The following KLF15 variants were observed in gnomAD, a reference collection of about 807,000 sequenced individuals.
KLF15 encodes the protein KLF transcription factor 15, also known as Krueppel-like factor 15.
Under a neutral mutation model 24.6 loss-of-function variants are expected in KLF15, and 4 were observed. The ratio of observed to expected loss-of-function variants is 0.16; its 90% CI spans 0.08 to 0.37. KLF15 has a LOEUF of 0.37. KLF15 is among the 10% of genes least tolerant of loss of function. The pLI, the probability that KLF15 is intolerant of heterozygous loss-of-function variation, is 1.00. For synonymous variants in KLF15, 246 were observed against 236.3 expected (o/e 1.04, Z -0.37); for missense variants, 496 against 560.6 (o/e 0.88, Z 1.16).
downstream of KLF15, among the ~76,000 whole-genome samples, chr3:126,338,290 T>C (rs1017931544): frequency 9.9e-5 from 15 of 152,086 alleles, no homozygotes; most frequent in Non-Finnish European, 8.8e-5. Context: ...GGTCCAGCTG[T>C]CCTCCCAGCA....
the KLF15 span, chr3:126,290,579 G>T: frequency 7.0e-6 from 1 of 141,962 alleles, no homozygotes; most frequent in African/African-American, 2.7e-5. Context: ...TTTACAGTTT[G>T]TCATTTGCCA....
chr3:126,319,709 C>T, the KLF15 span, among the ~76,000 whole-genome samples: 7 of 152,128 alleles, frequency 4.6e-5, no homozygotes, highest in South Asian at 8.3e-4. Context: ...TTTAACACTA[C>T]GGGCATATCA....
the KLF15 span, among the ~76,000 whole-genome samples, chr3:126,292,513 G>A: frequency 6.6e-6 from 1 of 152,226 alleles, no homozygotes; most frequent in African/African-American, 2.4e-5. Flanking sequence ...GCAAGATGCT[G>A]TTCTAGATTT....
the KLF15 span, among the ~76,000 whole-genome samples, chr3:126,324,788 A>ATTTTTTTTTTTTTTTTGCTTTTTTTT: frequency 2.7e-5 from 2 of 74,684 alleles, no homozygotes; most frequent in Non-Finnish European, 4.7e-5. Flanking sequence ...TTTGCTTTTA[A>ATTTTTTTTTTTTTTTTGCTTTTTTTT]TTTTTTTTTT....
chr3:126,353,563 C>A (rs994582843), intron 1 of KLF15, among the ~76,000 whole-genome samples: 3 of 152,244 alleles, frequency 2.0e-5, no homozygotes, highest in Admixed American at 1.3e-4. Context: ...GACACACTTA[C>A]ATTTAAAAAT....
the KLF15 span, among the ~76,000 whole-genome samples, chr3:126,329,652 A>C: frequency 3.3e-5 from 5 of 152,008 alleles, no homozygotes; most frequent in Non-Finnish European, 5.9e-5. Context: ...TTTTGGAATC[A>C]AGTCCCATTT....
At chr3:126,345,787 CA>C (rs1417590507) in intron 2 of KLF15, among the ~76,000 whole-genome samples, 4 of 152,192 alleles carry the variant, frequency 2.6e-5, no homozygotes, top group Non-Finnish European at 5.9e-5. Flanking sequence ...GGACAAGGCA[CA>C]GGGGGTGGCA....
At chr3:126,316,721 G>T in the KLF15 span, among the ~76,000 whole-genome samples, 1 of 151,362 alleles carries the variant, frequency 6.6e-6, no homozygotes, top group Non-Finnish European at 1.5e-5. Flanking sequence ...GAATGCACGG[G>T]CCGGAGTGGT....
the KLF15 span, among the ~76,000 whole-genome samples, chr3:126,307,682 G>C: frequency 1.3e-5 from 2 of 152,184 alleles, no homozygotes; most frequent in Non-Finnish European, 2.9e-5. Context: ...TCACATAAAG[G>C]TCAGGATTTC....
rs2082632902 is a variant in KLF15, at chr3:126,356,421, G to A, written c.-26+816C>T. Among the ~76,000 whole-genome samples, 1 of 152,190 alleles carries A rather than the reference G, an allele frequency of 6.6e-6. No homozygotes were observed. Among genetic ancestry groups the A allele is most frequent in the South Asian group, 2.1e-4 (1 of 4,832 alleles). On this transcript the variant is annotated intron_variant, in intron 1 of 2. Coordinates refer to ENST00000296233, the MANE Select transcript of KLF15 (RefSeq NM_014079.4). The surrounding 1 kb of genome is among the most constrained non-coding windows in gnomAD (Gnocchi z 4.4). ...GGGTTCCATGAGTAACACCAAGGCG[G>A]GGAGGGAAGAGTGAACCGGACCACC...
chr3:126,328,033 GA>G, the KLF15 span, among the ~76,000 whole-genome samples: 6 of 152,026 alleles, frequency 3.9e-5, no homozygotes, highest in Admixed American at 1.3e-4. Context: ...CCCATCACCC[GA>G]CCAGTATACC....
chr3:126,339,106 C>T (rs1441130676), downstream of KLF15, among the ~76,000 whole-genome samples: 3 of 152,196 alleles, frequency 2.0e-5, no homozygotes, highest in Admixed American at 2.0e-4. Context: ...ATCTCCAGGT[C>T]CAGACCTCCA....
At chr3:126,306,897 C>T in the KLF15 span, among the ~76,000 whole-genome samples, 4 of 152,210 alleles carry the variant, frequency 2.6e-5, no homozygotes, top group Non-Finnish European at 5.9e-5. Flanking sequence ...CCCCTTTCTC[C>T]ACTCTCCCTC....
chr3:126,323,405 A>T, the KLF15 span, among the ~76,000 whole-genome samples: 14 of 27,532 alleles, frequency 5.1e-4, 1 homozygote, highest in East Asian at 2.2e-3. Context: ...CCCAGTAGTT[A>T]TATATATATA....
chr3:126,305,415 C>G, the KLF15 span, among the ~76,000 whole-genome samples: 4 of 152,188 alleles, frequency 2.6e-5, no homozygotes, highest in South Asian at 6.2e-4. Flanking sequence ...ACATTTTGCT[C>G]TCATGCTTGA....
At chr3:126,351,225 A>G (rs1359444914) in intron 2 of KLF15, among the ~76,000 whole-genome samples, 2 of 152,114 alleles carry the variant, frequency 1.3e-5, no homozygotes, top group Non-Finnish European at 2.9e-5. Flanking sequence ...TGGCCTTTGC[A>G]GCCTCCCAAA....
At position 126,356,894 on chromosome 3, in the gene KLF15, C is replaced by T. The variant is rs1199760863; in HGVS notation, c.-26+343G>A. On this transcript the variant is annotated intron_variant, in intron 1 of 2. Coordinates refer to ENST00000296233, the MANE Select transcript of KLF15 (RefSeq NM_014079.4). The surrounding 1 kb of genome is among the most constrained non-coding windows in gnomAD (Gnocchi z 4.4). ...AACCCCGGGCTGGCCAGCGCGTCCG[C>T]TCTCCCCCTCCTCTCACCAGGCCGC... Among the ~76,000 whole-genome samples, 8 of 151,766 alleles carry T rather than the reference C, an allele frequency of 5.3e-5. No individual in the cohort carries two copies. Among genetic ancestry groups the T allele is most frequent in the Non-Finnish European group, 8.8e-5 (6 of 67,884 alleles).
At chr3:126,310,155 C>T in the KLF15 span, among the ~76,000 whole-genome samples, 1 of 152,254 alleles carries the variant, frequency 6.6e-6, no homozygotes, top group East Asian at 1.9e-4. Flanking sequence ...AGATCCCCTC[C>T]CAGCAGGAGC....
chr3:126,335,948 T>C, the KLF15 span, among the ~76,000 whole-genome samples: 1 of 149,458 alleles, frequency 6.7e-6, no homozygotes, highest in Admixed American at 6.7e-5. Context: ...TGAAAGAACA[T>C]TCCATGCTCA....
Sources: gnomAD v4.1 joint callset for allele counts (sites outside exome capture counted in the v4.1 genomes callset) on GRCh38, gnomAD v4.1.1 for gene constraint, Gnocchi (gnomAD v3.1) non-coding constraint, MANE v1.5 for transcripts, NCBI Gene and HGNC (gene_info 2026-07-23, HGNC 2026-07-21) for gene names.